The following CHMP4B variants were observed in gnomAD, a reference collection of about 807,000 sequenced individuals.
CHMP4B encodes charged multivesicular body protein 4B.
CHMP4B carries 1 observed loss-of-function variant against 25.1 expected under a neutral mutation model. That is an observed-to-expected ratio of 0.04 (90% CI 0.01 to 0.19). The LOEUF (loss-of-function observed/expected upper bound fraction) is 0.19. CHMP4B is among the 10% of genes least tolerant of loss of function. The probability of loss-of-function intolerance (pLI) is 1.00; values close to 1 mark genes in which losing one functional copy is unlikely to be tolerated. For missense variants in CHMP4B, 151 were observed against 289.7 expected (o/e 0.52, Z 3.48); for synonymous variants, 101 against 115.6 (o/e 0.87, Z 0.81).
At chr20:33,814,789 GGACTTCA>G (rs1978735345) in intron 1 of CHMP4B, among the ~76,000 whole-genome samples, 1 of 152,190 alleles carries the variant, frequency 6.6e-6, no homozygotes, top group Non-Finnish European at 1.5e-5. Context: ...TGAGTAGCTA[GGACTTCA>G]GGCACATGCC....
chr20:33,828,247 G>A (rs1335969301), intron 1 of CHMP4B, among the ~76,000 whole-genome samples: 1 of 152,164 alleles, frequency 6.6e-6, no homozygotes, highest in Non-Finnish European at 1.5e-5. Flanking sequence ...AGAGAGGTTA[G>A]GTGACCTGTT....
In CHMP4B at chr20:33,848,027, G is replaced by A. The variant is rs147409123; in HGVS notation, c.191-440G>A. Reference sequence around the variant, plus strand: ...AAGTTGCTTTATAATAATGGGAGCCGCTTTTTTTGAGAGGCATACACACTG... The same window carrying A: ...AAGTTGCTTTATAATAATGGGAGCCACTTTTTTTGAGAGGCATACACACTG... On this transcript the variant is annotated intron_variant, in intron 1 of 4. Coordinates refer to ENST00000217402, the MANE Select transcript of CHMP4B (RefSeq NM_176812.5). Among the ~76,000 whole-genome samples, 400 of 152,170 alleles carry A rather than the reference G, an allele frequency of 2.6e-3. 2 individuals carry two copies. Among genetic ancestry groups the A allele is most frequent in the African/African-American group, 9.3e-3 (384 of 41,492 alleles).
intron 1 of CHMP4B, among the ~76,000 whole-genome samples, chr20:33,816,737 A>G (rs1218482086): frequency 6.6e-6 from 1 of 152,234 alleles, no homozygotes; most frequent in African/African-American, 2.4e-5. Flanking sequence ...AAAGATGAAA[A>G]CAGTTGTAGA....
intron 1 of CHMP4B, among the ~76,000 whole-genome samples, chr20:33,846,427 A>C (rs889700063): frequency 1.3e-5 from 2 of 152,186 alleles, no homozygotes; most frequent in African/African-American, 4.8e-5. Flanking sequence ...CATCAGAATC[A>C]AGGGAGATTA....
intron 1 of CHMP4B, among the ~76,000 whole-genome samples, chr20:33,828,592 G>A (rs1313640578): frequency 6.6e-6 from 1 of 152,134 alleles, no homozygotes; most frequent in Non-Finnish European, 1.5e-5. Context: ...TGTGTGACCA[G>A]GCTGAACAAG....
rs563020323 is a variant in CHMP4B at position 33,816,247 on chromosome 20, C to T, written c.190+4589C>T. Reference sequence around the variant, plus strand: ...CCATCCTTGGTGCTGAGAATGCAGACGTGAACCAGATGTGGTCTCTGCCAT... The same window carrying T: ...CCATCCTTGGTGCTGAGAATGCAGATGTGAACCAGATGTGGTCTCTGCCAT... On this transcript the variant is annotated intron_variant, in intron 1 of 4. Coordinates refer to ENST00000217402, the MANE Select transcript of CHMP4B (RefSeq NM_176812.5). 7.9e-5 allele frequency among the ~76,000 whole-genome samples: 12 copies of T among 152,246 alleles called. No homozygotes were observed. In the East Asian group the frequency reaches 9.6e-4, roughly 12 times the overall value.
At chr20:33,836,588 A>G (rs1292588710) in intron 1 of CHMP4B, among the ~76,000 whole-genome samples, 2 of 151,956 alleles carry the variant, frequency 1.3e-5, no homozygotes. Context: ...TTTTTCACAC[A>G]TGGGTGCTGA....
chr20:33,822,782 T>C (rs193078081), intron 1 of CHMP4B, among the ~76,000 whole-genome samples: 126 of 152,196 alleles, frequency 8.3e-4, no homozygotes, highest in Middle Eastern at 3.4e-3. Context: ...TTAAGTACTT[T>C]TCTTTCTTTC....
At position 33,853,698 on chromosome 20, in the gene CHMP4B, G is replaced by A. The variant is rs902737724; in HGVS notation, c.*138G>A. ...ACTCTCACTCCAAAGCAGTAGGGCCGCGTTGCTGCTCACTCTCTGCATAGC... is the reference window on the plus strand; with the variant it reads ...ACTCTCACTCCAAAGCAGTAGGGCCACGTTGCTGCTCACTCTCTGCATAGC... On this transcript the variant is annotated 3_prime_UTR_variant, in exon 5 of 5. Coordinates refer to ENST00000217402, the MANE Select transcript of CHMP4B (RefSeq NM_176812.5). 9.9e-6 allele frequency: 5 copies of A among 506,216 alleles called. No homozygotes were observed. The highest frequency in any genetic ancestry group is 2.1e-5 in the African/African-American group (1 of 47,666). 31.4% of individuals were successfully genotyped at this position (506,216 alleles called of 1,614,324 possible).
chr20:33,814,851 C>T (rs551551489), intron 1 of CHMP4B, among the ~76,000 whole-genome samples: 4 of 152,284 alleles, frequency 2.6e-5, no homozygotes, highest in African/African-American at 9.6e-5. Context: ...AGGTCTCGCT[C>T]TGTTGCCCAG....
intron 1 of CHMP4B, among the ~76,000 whole-genome samples, chr20:33,815,030 A>G (rs1270830973): frequency 6.6e-6 from 1 of 152,238 alleles, no homozygotes; most frequent in African/African-American, 2.4e-5. Flanking sequence ...GAAGAAGTGT[A>G]GACTGACCAG....
chr20:33,844,845 G>A (rs1372592292), intron 1 of CHMP4B, among the ~76,000 whole-genome samples: 5 of 150,170 alleles, frequency 3.3e-5, no homozygotes, highest in Admixed American at 2.0e-4. Flanking sequence ...TACAAGCTCC[G>A]CCTCCTGGGC....
chr20:33,853,543 T>C lies in CHMP4B; in HGVS notation c.658T>C (p.Trp220Arg). The change falls in exon 5 of 5, where the codon TGG becomes CGG. Residue 220 changes from tryptophan to arginine, a missense_variant. Trp to Arg is a moderately radical substitution (Grantham distance 101). Coordinates refer to ENST00000217402, the MANE Select transcript of CHMP4B (RefSeq NM_176812.5). Reference sequence around the variant, plus strand: ...CGACGACATGAAGGAATTGGAGAACTGGGCTGGATCCATGTAATGGGGTCC... The same window carrying C: ...CGACGACATGAAGGAATTGGAGAACCGGGCTGGATCCATGTAATGGGGTCC... ...EDDDMKELEN[W>R]AGSM is the part of the protein sequence containing the mutation. 6.2e-7 allele frequency: 1 copy of C among 1,613,826 alleles called. No homozygotes were observed. The highest frequency in any genetic ancestry group is 8.5e-7 in the Non-Finnish European group (1 of 1,179,928).
intron 1 of CHMP4B, among the ~76,000 whole-genome samples, chr20:33,816,535 A>G (rs947721128): frequency 6.6e-6 from 1 of 152,206 alleles, no homozygotes; most frequent in Admixed American, 6.6e-5. Flanking sequence ...GTACCTTTCT[A>G]AACAATGCCC....
intron 1 of CHMP4B, among the ~76,000 whole-genome samples, chr20:33,829,920 T>C (rs1305212928): frequency 6.6e-6 from 1 of 152,254 alleles, no homozygotes; most frequent in Middle Eastern, 3.2e-3. Context: ...TCTGCCTGGC[T>C]GAATCTTGTT....
At chr20:33,846,272 CATCTAACCTTAAA>C (rs1979688301) in intron 1 of CHMP4B, among the ~76,000 whole-genome samples, 1 of 152,150 alleles carries the variant, frequency 6.6e-6, no homozygotes. Context: ...CTAACCTTAT[CATCTAACCTTAAA>C]GGGTTGCTAT....
At chr20:33,816,857 A>G (rs1978796312) in intron 1 of CHMP4B, among the ~76,000 whole-genome samples, 1 of 152,226 alleles carries the variant, frequency 6.6e-6, no homozygotes, top group African/African-American at 2.4e-5. Context: ...AAATCAGTTC[A>G]TTTACAGGTT....
intron 1 of CHMP4B, among the ~76,000 whole-genome samples, chr20:33,828,375 G>A (rs1233032838): frequency 6.6e-6 from 1 of 152,212 alleles, no homozygotes; most frequent in Non-Finnish European, 1.5e-5. Context: ...TGTGGTAAAT[G>A]TGGCCAACCC....
At chr20:33,827,984 C>T (rs1979139617) in intron 1 of CHMP4B, among the ~76,000 whole-genome samples, 1 of 152,164 alleles carries the variant, frequency 6.6e-6, no homozygotes, top group African/African-American at 2.4e-5. Context: ...GAGCAGCGGG[C>T]TTTTCTGCAA....
Sources: allele counts gnomAD v4.1 joint callset (sites outside exome capture counted in the v4.1 genomes callset), GRCh38; gene constraint gnomAD v4.1.1; transcripts MANE v1.5; gene names NCBI Gene and HGNC (gene_info 2026-07-23, HGNC 2026-07-21).